The following FRMD5 variants were observed in gnomAD, a reference collection of about 807,000 sequenced individuals.
FRMD5 encodes the protein FERM domain-containing protein 5.
FRMD5 carries 20 observed loss-of-function variants against 69.0 expected under a neutral mutation model. The ratio of observed to expected loss-of-function variants is 0.29; its 90% CI spans 0.20 to 0.42. FRMD5 has a LOEUF of 0.42. Ranked by LOEUF, FRMD5 falls within the 10% of genes least tolerant of loss-of-function variation. FRMD5 has a pLI of 1.00. For synonymous variants in FRMD5, 271 were observed against 260.1 expected (o/e 1.04, Z -0.40); for missense variants, 595 against 708.6 (o/e 0.84, Z 1.82).
At chr15:44,056,584 T>C (rs1440122676) in intron 1 of FRMD5, among the ~76,000 whole-genome samples, 1 of 152,146 alleles carries the variant, frequency 6.6e-6, no homozygotes, top group Non-Finnish European at 1.5e-5. Flanking sequence ...TAGTTACATG[T>C]TTCAATAGTC....
chr15:44,093,604 G>A (rs1392578973), intron 1 of FRMD5, among the ~76,000 whole-genome samples: 7 of 147,032 alleles, frequency 4.8e-5, no homozygotes, highest in African/African-American at 1.5e-4. Flanking sequence ...ACGGAGTCTC[G>A]CTCTGTCGCC....
chr15:43,969,742 G>T (rs532438502), intron 1 of FRMD5, among the ~76,000 whole-genome samples: 1 of 152,306 alleles, frequency 6.6e-6, no homozygotes, highest in South Asian at 2.1e-4. Flanking sequence ...AGACTTGCCA[G>T]ACAGAACATA....
chr15:44,128,354 C>G (rs1166963789), intron 1 of FRMD5, among the ~76,000 whole-genome samples: 4 of 152,168 alleles, frequency 2.6e-5, no homozygotes, highest in Admixed American at 6.5e-5. Context: ...GTGGCGCAGG[C>G]CTGTAATCCC....
chr15:44,174,256 T>G lies in FRMD5; in HGVS notation c.102+20697A>C, dbSNP rs548147809. Among the ~76,000 whole-genome samples, 24 of 152,236 alleles carry G rather than the reference T, an allele frequency of 1.6e-4. 1 individual carries two copies. In the East Asian group the frequency reaches 4.4e-3, roughly 28 times the overall value. ...TAGAAAAACCTCAATAAAGAAAAGA[T>G]TTCAGAACTGAATTTTTCTTATTAA... is the stretch of plus-strand genomic sequence containing the variant. On this transcript the variant is annotated intron_variant, in intron 1 of 13. Coordinates refer to ENST00000417257, the MANE Select transcript of FRMD5 (RefSeq NM_032892.5).
chr15:44,134,348 G>A (rs1490218365), intron 1 of FRMD5, among the ~76,000 whole-genome samples: 1 of 152,132 alleles, frequency 6.6e-6, no homozygotes, highest in African/African-American at 2.4e-5. Context: ...AAATATGGAG[G>A]GCAATATTAA....
intron 4 of FRMD5, among the ~76,000 whole-genome samples, chr15:43,913,451 C>A (rs527560507): frequency 1.3e-5 from 2 of 152,226 alleles, no homozygotes; most frequent in Non-Finnish European, 2.9e-5. Context: ...TCCCTTTCTG[C>A]CACAGTGGCT....
chr15:43,928,965 T>A (rs1457122110), intron 1 of FRMD5, among the ~76,000 whole-genome samples: 2 of 152,228 alleles, frequency 1.3e-5, no homozygotes, highest in African/African-American at 2.4e-5. Flanking sequence ...TGGATCAAAA[T>A]AACTTATTAA....
chr15:44,149,762 A>G (rs1157411722), intron 1 of FRMD5, among the ~76,000 whole-genome samples: 1 of 152,190 alleles, frequency 6.6e-6, no homozygotes, highest in African/African-American at 2.4e-5. Context: ...CAAAGACTGA[A>G]AGAAATGAAA....
At chr15:44,159,251 T>C (rs1056949775) in intron 1 of FRMD5, among the ~76,000 whole-genome samples, 3 of 152,282 alleles carry the variant, frequency 2.0e-5, no homozygotes, top group South Asian at 2.1e-4. Context: ...TATTTTACCA[T>C]ACACACACGT....
chr15:44,062,488 C>T (rs1595683415), intron 1 of FRMD5, among the ~76,000 whole-genome samples: 1 of 151,950 alleles, frequency 6.6e-6, no homozygotes, highest in African/African-American at 2.4e-5. Flanking sequence ...ACCAAGAGTT[C>T]GAAACCAGCC....
At chr15:43,918,360 G>A (rs1006837349) in intron 4 of FRMD5, among the ~76,000 whole-genome samples, 3 of 152,210 alleles carry the variant, frequency 2.0e-5, no homozygotes, top group South Asian at 2.1e-4. Flanking sequence ...GAAGGTGGAG[G>A]TTGCAGTGAG....
At position 44,121,281 on chromosome 15, in the gene FRMD5, GGA is replaced by G. The variant is rs1491492664; in HGVS notation, c.102+73670_102+73671del. Among the ~76,000 whole-genome samples, 18 of 137,812 alleles carry G rather than the reference GGA, an allele frequency of 1.3e-4. 1 individual carries two copies. Among genetic ancestry groups the G allele is most frequent in the Middle Eastern group, 3.6e-3 (1 of 274 alleles). 90.4% of individuals were successfully genotyped at this position (137,812 alleles called of 152,430 possible). A position where few individuals can be genotyped will look rare whatever the true frequency, so the allele number is the denominator to read the frequency against. ...CTAGGACATCTGGGGCAGGGGGGTG[GGA>G]GGGGGAGTCAGCTTTCAGTGGATGT... On this transcript the variant is annotated intron_variant, in intron 1 of 13. Transcript: ENST00000417257.
At chr15:44,033,641 C>T (rs535477888) in intron 1 of FRMD5, among the ~76,000 whole-genome samples, 9 of 152,126 alleles carry the variant, frequency 5.9e-5, no homozygotes, top group African/African-American at 1.2e-4. Context: ...TCTAATATTT[C>T]GAAAATGGTT....
At chr15:43,968,062 T>C (rs1032736008) in intron 1 of FRMD5, among the ~76,000 whole-genome samples, 4 of 152,156 alleles carry the variant, frequency 2.6e-5, no homozygotes, top group African/African-American at 9.7e-5. Context: ...AGGAAGATTT[T>C]TTTCCATTTT....
chr15:43,912,232 G>A (rs934240220), intron 4 of FRMD5, among the ~76,000 whole-genome samples: 1 of 152,126 alleles, frequency 6.6e-6, no homozygotes, highest in African/African-American at 2.4e-5. Flanking sequence ...GTCTTAGCCT[G>A]GAAGTTAATA....
rs187236993 is a variant in FRMD5, at chr15:43,888,032, C to T, written c.884+143G>A. 4.3e-5 allele frequency: 26 copies of T among 607,412 alleles called. No homozygotes were observed. The East Asian group carries it at 5.1e-4, about 12-fold the overall frequency. 37.6% of individuals were successfully genotyped at this position (607,412 alleles called of 1,614,324 possible). A position where few individuals can be genotyped will look rare whatever the true frequency, so the allele number is the denominator to read the frequency against. ...TAGGCAAAGCTCTTGCCTTTGGCCTCAACCTGGCTTCTCAGTAACTGTCAA... is the reference window on the plus strand; with the variant it reads ...TAGGCAAAGCTCTTGCCTTTGGCCTTAACCTGGCTTCTCAGTAACTGTCAA... On this transcript the variant is annotated intron_variant, in intron 10 of 13. Transcript: ENST00000417257.
chr15:43,881,666 G>A (rs974053874), intron 13 of FRMD5, among the ~76,000 whole-genome samples: 3 of 152,144 alleles, frequency 2.0e-5, no homozygotes, highest in African/African-American at 2.4e-5. Context: ...AAGTACTTCC[G>A]CACATATTAG....
intron 1 of FRMD5, among the ~76,000 whole-genome samples, chr15:43,935,599 C>T (rs1221075993): frequency 6.6e-6 from 1 of 152,106 alleles, no homozygotes; most frequent in Non-Finnish European, 1.5e-5. Context: ...GAACCATGGT[C>T]CAGGCTTTGC....
intron 7 of FRMD5, among the ~76,000 whole-genome samples, chr15:43,895,191 G>T (rs1348806516): frequency 2.6e-5 from 4 of 152,138 alleles, no homozygotes; most frequent in Non-Finnish European, 1.5e-5. Context: ...TCCTGATGTT[G>T]ACAGATTTAA....
Sources: gnomAD v4.1 joint callset for allele counts (sites outside exome capture counted in the v4.1 genomes callset) on GRCh38, gnomAD v4.1.1 for gene constraint, MANE v1.5 for transcripts, NCBI Gene and HGNC (gene_info 2026-07-23, HGNC 2026-07-21) for gene names.